TFIP11: variants seen among roughly 807,000 people sequenced by gnomAD.
TFIP11 encodes the protein tuftelin-interacting protein 11.
A neutral mutation model predicts 96.8 loss-of-function variants in TFIP11; 86 were observed. The ratio of observed to expected loss-of-function variants is 0.89; its 90% CI spans 0.75 to 1.06. The LOEUF is 1.06. TFIP11 is among the 50% of genes least tolerant of loss of function. The pLI is 0.00. For synonymous variants in TFIP11, 405 were observed against 395.2 expected (o/e 1.02, Z -0.29); for missense variants, 881 against 1,076.7 (o/e 0.82, Z 2.54).
chr22:26,491,457 G>C lies in TFIP11; in HGVS notation c.*556C>G. 1 of 1,606,402 alleles carries C rather than the reference G, an allele frequency of 6.2e-7. No homozygotes were observed. Among genetic ancestry groups the C allele is most frequent in the Non-Finnish European group, 8.5e-7 (1 of 1,176,586 alleles). On this transcript the variant is annotated 3_prime_UTR_variant, in exon 15 of 15. Transcript: ENST00000407690. ...GAAGTTTTTATACTTGAATTTTTCT[G>C]CTCAGATTTTAAAAGGACTGGAGGA...
intron 14 of TFIP11, 186 bp downstream of exon 14, chr22:26,493,953 C>A: frequency 1.7e-6 from 1 of 602,938 alleles, no homozygotes; most frequent in Non-Finnish European, 2.9e-6. Flanking sequence ...CATGGTAGAC[C>A]TGGGCAGTGG....
chr22:26,497,301 C>T (rs550465971), intron 10 of TFIP11, among the ~76,000 whole-genome samples: 3 of 152,200 alleles, frequency 2.0e-5, no homozygotes, highest in Non-Finnish European at 4.4e-5. Flanking sequence ...AGTTCTCTAT[C>T]GCTGTACCTG....
At position 26,491,563 on chromosome 22, in the gene TFIP11, A is replaced by G. The variant is rs1375249384; in HGVS notation, c.*450T>C. ...CACTGGTTCCCTGTGCAAAAGCTAG[A>G]ACAGCTCTCCATAGATATTTGGGAG... On this transcript the variant is annotated 3_prime_UTR_variant, in exon 15 of 15. Coordinates refer to ENST00000407690, the MANE Select transcript of TFIP11 (RefSeq NM_012143.4). 2 of 1,614,210 alleles carry G rather than the reference A, an allele frequency of 1.2e-6. No individual in the cohort carries two copies. The highest frequency in any genetic ancestry group is 1.7e-6 in the Non-Finnish European group (2 of 1,180,014).
chr22:26,495,260 C>CTTTTTTTTTTTTT (rs150268332), intron 12 of TFIP11, among the ~76,000 whole-genome samples: 1 of 59,176 alleles, frequency 1.7e-5, no homozygotes, highest in African/African-American at 7.4e-5. Context: ...CAACTCCTGG[C>CTTTTTTTTTTTTT]TTTTTTTTTT....
intron 12 of TFIP11, 84 bp downstream of exon 12, chr22:26,495,989 C>G: frequency 3.3e-6 from 5 of 1,529,418 alleles, no homozygotes; most frequent in Non-Finnish European, 4.4e-6. Context: ...AACATAAAGG[C>G]GATGCTTTAA....
intron 8 of TFIP11, 87 bp downstream of exon 8, chr22:26,501,813 G>T: frequency 1.5e-5 from 10 of 673,630 alleles, no homozygotes; most frequent in Non-Finnish European, 1.7e-5. Flanking sequence ...AAAAAGCCTA[G>T]CTAAAAGATC....
chr22:26,491,680 G>A lies in TFIP11; in HGVS notation c.*333C>T. The A allele has an allele frequency of 6.2e-7, 1 of 1,606,738 alleles. No individual in the cohort carries two copies. The highest frequency in any genetic ancestry group is 8.5e-7 in the Non-Finnish European group (1 of 1,179,474). ...CCTTCTGCTACTGACTGAACTCGTTGTGAGGTACTCAGTGTTGGCTGAGGT... is the reference window on the plus strand; with the variant it reads ...CCTTCTGCTACTGACTGAACTCGTTATGAGGTACTCAGTGTTGGCTGAGGT... On this transcript the variant is annotated 3_prime_UTR_variant, in exon 15 of 15. Coordinates refer to ENST00000407690, the MANE Select transcript of TFIP11 (RefSeq NM_012143.4).
At position 26,494,895 on chromosome 22, in the gene TFIP11, T is replaced by TG. The variant is rs1488508256; in HGVS notation, c.1893dup (p.Met632HisfsTer9). 4 of 1,614,058 alleles carry TG rather than the reference T, an allele frequency of 2.5e-6. No homozygotes were observed. The highest frequency in any genetic ancestry group is 2.5e-6 in the Non-Finnish European group (3 of 1,180,038). On this transcript the variant is annotated frameshift_variant, in exon 13 of 15. Coordinates refer to ENST00000407690, the MANE Select transcript of TFIP11 (RefSeq NM_012143.4). LOFTEE classifies it high-confidence loss of function. ...TCAATCACCCAATAGAATGCATCCA[T>TG]GTGCTGCTGGTGGGGGTTAATGACT...
Position 26,491,901 on chromosome 22 carries a change from G to C in TFIP11, c.*112C>G. On this transcript the variant is annotated 3_prime_UTR_variant, in exon 15 of 15. Transcript: ENST00000407690. ...CCCTCATGACCTGGCCTGATGTGGAGTAGCTCCTGAGTAAAGAAGTTACCC... is the reference window on the plus strand; with the variant it reads ...CCCTCATGACCTGGCCTGATGTGGACTAGCTCCTGAGTAAAGAAGTTACCC... 1 of 1,135,678 alleles carries C rather than the reference G, an allele frequency of 8.8e-7. No homozygotes were observed. Among genetic ancestry groups the C allele is most frequent in the South Asian group, 1.6e-5 (1 of 64,340 alleles). The allele number at this position is 1,135,678 out of a possible 1,614,324, so 70.4% of individuals were successfully genotyped here.
intron 6 of TFIP11, among the ~76,000 whole-genome samples, chr22:26,504,010 A>C: frequency 6.6e-6 from 1 of 152,196 alleles, no homozygotes; most frequent in South Asian, 2.1e-4. Context: ...TCTGCTGACT[A>C]GTTTATTTAT....
intron 4 of TFIP11, among the ~76,000 whole-genome samples, chr22:26,509,724 C>T (rs531756621): frequency 5.3e-5 from 8 of 152,142 alleles, no homozygotes; most frequent in African/African-American, 1.9e-4. Context: ...GAGGTGGTGG[C>T]GTTTGCTTGT....
Position 26,506,397 on chromosome 22 carries a change from G to A in TFIP11, c.426C>T (p.Phe142=), listed in dbSNP as rs149810695. Residue 142 remains phenylalanine (F), a synonymous_variant, in exon 6 of 15, where the codon TTC becomes TTT. Transcript: ENST00000407690. ...FAGGTKSFMD[F]GSWERHTKGI... ...CTTTTGTGTGTCTTTCCCAGCTGCC[G>A]AAGTCCATGAAAGATTTGGTTCCTC... 1.4e-4 allele frequency: 231 copies of A among 1,614,028 alleles called. No homozygotes were observed. The highest frequency in any genetic ancestry group is 2.7e-4 in the Admixed American group (16 of 60,008).
rs1452514302 is a variant in TFIP11, at chr22:26,494,855, A to C, written c.1934T>G (p.Ile645Ser). 1 of 1,614,210 alleles carries C rather than the reference A, an allele frequency of 6.2e-7. No individual in the cohort carries two copies. ...AAGTCCCACCAGGCTAGAGACAGAG[A>C]TCATCCCTTCCCAGTCAATCACCCA... ...FYWVIDWEGMISVSSLVGLLE... is the reference protein window; with the variant it reads ...FYWVIDWEGMSSVSSLVGLLE... The change falls in exon 13 of 15, where the codon ATC becomes AGC. Residue 645 changes from isoleucine (I) to serine (S), a missense_variant. By Grantham distance (142) the Ile-to-Ser change is moderately radical. Transcript: ENST00000407690.
chr22:26,505,227 G>C (rs1186051225), intron 6 of TFIP11, among the ~76,000 whole-genome samples: 1 of 152,152 alleles, frequency 6.6e-6, no homozygotes, highest in Non-Finnish European at 1.5e-5. Context: ...TGTTTGGTTT[G>C]AGAGGCTTTG....
At chr22:26,504,944 C>T (rs1280045197) in intron 6 of TFIP11, among the ~76,000 whole-genome samples, 1 of 151,930 alleles carries the variant, frequency 6.6e-6, no homozygotes, top group Non-Finnish European at 1.5e-5. Context: ...GGCGTGGTGG[C>T]GGGTGCCTGT....
In TFIP11 at chr22:26,510,287, G is replaced by C. The variant is rs372785511; in HGVS notation, c.-9-6C>G. ...GACAATGACATGGCCAGTCACTAAA[G>C]GAAGAGACAAAAAGAGCACAGGCCG... On this transcript the variant is annotated splice_region_variant and splice_polypyrimidine_tract_variant and intron_variant, in intron 3 of 14. Transcript: ENST00000407690. 1 of 1,613,870 alleles carries C rather than the reference G, an allele frequency of 6.2e-7. No individual in the cohort carries two copies. Among genetic ancestry groups the C allele is most frequent in the Non-Finnish European group, 8.5e-7 (1 of 1,179,926 alleles).
At chr22:26,503,409 AC>A (rs911051331) in intron 7 of TFIP11, among the ~76,000 whole-genome samples, 1 of 150,982 alleles carries the variant, frequency 6.6e-6, no homozygotes, top group Non-Finnish European at 1.5e-5. Context: ...CCACCTCCCA[AC>A]CCCCAGCCTT....
intron 5 of TFIP11, 132 bp downstream of exon 5, chr22:26,506,643 C>T: frequency 7.3e-7 from 1 of 1,366,404 alleles, no homozygotes; most frequent in Non-Finnish European, 1.0e-6. Flanking sequence ...TCACAACTCA[C>T]AGAAACCTGC....
At chr22:26,496,569 A>T (rs1483605723) in intron 11 of TFIP11, 152 bp downstream of exon 11, 2 of 1,126,138 alleles carry the variant, frequency 1.8e-6, no homozygotes, top group Non-Finnish European at 2.5e-6. Flanking sequence ...AAGTGCTGAG[A>T]AAAAGGCTGG....
Sources: allele counts gnomAD v4.1 joint callset (sites outside exome capture counted in the v4.1 genomes callset), GRCh38; gene constraint gnomAD v4.1.1; transcripts MANE v1.5; gene names NCBI Gene and HGNC (gene_info 2026-07-23, HGNC 2026-07-21).